The following FMN1 variants were observed in gnomAD, a reference collection of about 807,000 sequenced individuals.
The protein encoded by FMN1 is formin-1.
Under a neutral mutation model 132.4 loss-of-function variants are expected in FMN1, and 110 were observed. The ratio of observed to expected loss-of-function variants is 0.83; its 90% CI spans 0.71 to 0.97. The LOEUF (loss-of-function observed/expected upper bound fraction) is 0.97. Ranked by LOEUF, FMN1 falls within the 50% of genes least tolerant of loss-of-function variation. The pLI is 0.00. For synonymous variants in FMN1, 722 were observed against 651.7 expected, an observed-to-expected ratio of 1.11 and a Z score of -1.64; for missense variants, 1,792 against 1,705.3, an observed-to-expected ratio of 1.05 and a Z score of -0.90.
At chr15:33,176,933 T>C (rs1020218444) in intron 3 of FMN1, among the ~76,000 whole-genome samples, 1 of 152,238 alleles carries the variant, frequency 6.6e-6, no homozygotes, top group African/African-American at 2.4e-5. Context: ...AGTGTTTCTA[T>C]GCTTTGGTTC....
intron 4 of FMN1, among the ~76,000 whole-genome samples, chr15:33,111,263 A>G (rs2039692474): frequency 6.6e-6 from 1 of 152,170 alleles, no homozygotes; most frequent in Admixed American, 6.5e-5. Context: ...TTGAAATGCA[A>G]ATCGAAACCT....
At chr15:32,860,969 G>A (rs1478235565) in intron 16 of FMN1, 3 of 152,124 alleles carry the variant, frequency 2.0e-5, no homozygotes, top group Non-Finnish European at 4.4e-5. Context: ...CTGTTTTAAG[G>A]AATCAGCATT....
intron 17 of FMN1, among the ~76,000 whole-genome samples, chr15:32,810,281 C>T (rs2057828500): frequency 6.6e-6 from 1 of 152,188 alleles, no homozygotes; most frequent in Non-Finnish European, 1.5e-5. Flanking sequence ...AGAACACAGT[C>T]CCTACTCATT....
At chr15:32,982,233 A>T (rs2032735759) in intron 7 of FMN1, among the ~76,000 whole-genome samples, 1 of 152,164 alleles carries the variant, frequency 6.6e-6, no homozygotes, top group Non-Finnish European at 1.5e-5. Context: ...GAGAGGGAGG[A>T]GTGAGAGAAG....
At chr15:33,025,748 A>T (rs1179489429) in intron 6 of FMN1, among the ~76,000 whole-genome samples, 1 of 152,214 alleles carries the variant, frequency 6.6e-6, no homozygotes, top group African/African-American at 2.4e-5. Context: ...AATGATACAG[A>T]ATGACACAGA....
intron 4 of FMN1, among the ~76,000 whole-genome samples, chr15:33,115,616 C>A (rs538695634): frequency 6.6e-6 from 1 of 151,874 alleles, no homozygotes; most frequent in Admixed American, 6.6e-5. Flanking sequence ...CCACAATACA[C>A]TGAGCACCTG....
At chr15:33,063,315 G>A (rs1173706311) in intron 6 of FMN1, 1 of 152,436 alleles carries the variant, frequency 6.6e-6, no homozygotes, top group African/African-American at 2.4e-5. Context: ...AGCCTGGCAT[G>A]TCACTATGGA....
Position 32,968,878 on chromosome 15 carries a change from C to T in FMN1, c.2823G>A (p.Gly941=), listed in dbSNP as rs1382634140. ...CTGGGGGTGGTGGAGCAGGAGGAGG[C>T]CCTCCAGGGTTGGGTGGGGCAGGGG... ...PNSPAPPNPG[G]PPPAPPPPGL... Residue 941 remains glycine (G), a synonymous_variant, in exon 8 of 21, where the codon GGG becomes GGA. Transcript: ENST00000616417. 8.7e-7 allele frequency: 1 copy of T among 1,149,644 alleles called. No individual in the cohort carries two copies. The highest frequency in any genetic ancestry group is 2.1e-5 in the Admixed American group (1 of 48,134). The allele number at this position is 1,149,644 out of a possible 1,614,324, so 71.2% of individuals were successfully genotyped here. A position where few individuals can be genotyped will look rare whatever the true frequency, so the allele number is the denominator to read the frequency against.
At chr15:32,858,940 A>T (rs1344497906) in intron 16 of FMN1, among the ~76,000 whole-genome samples, 1 of 152,202 alleles carries the variant, frequency 6.6e-6, no homozygotes, top group Non-Finnish European at 1.5e-5. Flanking sequence ...TCAAAATAGG[A>T]CACTTTGCGC....
intron 3 of FMN1, among the ~76,000 whole-genome samples, chr15:33,166,869 A>T (rs1374927454): frequency 6.6e-6 from 1 of 152,184 alleles, no homozygotes; most frequent in African/African-American, 2.4e-5. Context: ...TAACCCAGCA[A>T]GGGAAGCACT....
chr15:32,833,760 CT>C (rs896927694), intron 17 of FMN1, among the ~76,000 whole-genome samples: 1 of 152,076 alleles, frequency 6.6e-6, no homozygotes, highest in African/African-American at 2.4e-5. Flanking sequence ...GAACCAGCTG[CT>C]TTTTTCCCCC....
intron 3 of FMN1, among the ~76,000 whole-genome samples, chr15:33,167,211 T>C (rs1279651654): frequency 1.3e-5 from 2 of 152,124 alleles, no homozygotes; most frequent in Non-Finnish European, 2.9e-5. Flanking sequence ...GATAACTGAA[T>C]CATGGTGGCG....
Position 32,996,061 on chromosome 15 carries a change from A to G in FMN1, c.2223+11953T>C, listed in dbSNP as rs149889777. ...CAGCCACAGACTTAGAGTAAACTAA[A>G]CATGCTGCTGCTCATAATAAACACA... is the stretch of plus-strand genomic sequence containing the variant. On this transcript the variant is annotated intron_variant, in intron 7 of 20. Transcript: ENST00000616417. Among the ~76,000 whole-genome samples the G allele has an allele frequency of 2.0e-4, 31 of 152,362 alleles. No homozygotes were observed. The East Asian group carries it at 5.8e-3, about 28-fold the overall frequency.
chr15:33,099,764 A>C (rs554842525), intron 4 of FMN1, among the ~76,000 whole-genome samples: 3 of 152,314 alleles, frequency 2.0e-5, no homozygotes, highest in African/African-American at 7.2e-5. Flanking sequence ...TCATTCTCTA[A>C]AAGTCATCTA....
At chr15:32,863,642 T>C (rs767818401) in intron 16 of FMN1, among the ~76,000 whole-genome samples, 2 of 152,204 alleles carry the variant, frequency 1.3e-5, no homozygotes, top group Non-Finnish European at 2.9e-5. Flanking sequence ...TTATTGTTTC[T>C]AGTAACTTGA....
intron 17 of FMN1, among the ~76,000 whole-genome samples, chr15:32,838,787 CTGAA>C (rs2058682428): frequency 6.6e-6 from 1 of 152,184 alleles, no homozygotes; most frequent in African/African-American, 2.4e-5. Context: ...CCCAAATGAG[CTGAA>C]TGACAGTGGC....
chr15:33,066,669 T>TAA, intron 5 of FMN1: 1 of 1,613,820 alleles, frequency 6.2e-7, no homozygotes, highest in Non-Finnish European at 8.5e-7. Flanking sequence ...AATAGGGCTT[T>TAA]AAAAGCCTCC....
Position 32,770,668 on chromosome 15 carries a change from G to C in FMN1, c.*3642C>G, listed in dbSNP as rs2056202685. 6.6e-6 allele frequency: 1 copy of C among 152,184 alleles called. No homozygotes were observed. Among genetic ancestry groups the C allele is most frequent in the African/African-American group, 2.4e-5 (1 of 41,428 alleles). The allele number at this position is 152,184 out of a possible 1,614,324, so 9.4% of individuals were successfully genotyped here. A position where few individuals can be genotyped will look rare whatever the true frequency, so the allele number is the denominator to read the frequency against. On this transcript the variant is annotated 3_prime_UTR_variant, in exon 21 of 21. Coordinates refer to ENST00000616417, the MANE Select transcript of FMN1 (RefSeq NM_001277313.2). ...ACAGGAGGTGCCTGAAGGAGGCTGA[G>C]AAGAGGTTTGCAGCTTCTACTGTCC...
Position 32,919,376 on chromosome 15 carries a change from C to T in FMN1, c.3226+6798G>A, listed in dbSNP as rs73370880. Among the ~76,000 whole-genome samples the T allele has an allele frequency of 9.8e-3, 1,484 of 152,186 alleles. 26 individuals are homozygous for T. The highest frequency in any genetic ancestry group is 0.034 in the African/African-American group (1,400 of 41,500). ...AAAACAAGGATAGCCAAATGGCACCCGCCAAGAAGTTGATCCCCATAAACA... is the reference window on the plus strand; with the variant it reads ...AAAACAAGGATAGCCAAATGGCACCTGCCAAGAAGTTGATCCCCATAAACA... On this transcript the variant is annotated intron_variant, in intron 10 of 20. Transcript: ENST00000616417.
Sources: allele counts gnomAD v4.1 joint callset (sites outside exome capture counted in the v4.1 genomes callset), GRCh38; gene constraint gnomAD v4.1.1; transcripts MANE v1.5; gene names NCBI Gene and HGNC (gene_info 2026-07-23, HGNC 2026-07-21).